Variants in CCDC187 observed in about 807,000 individuals in gnomAD.
CCDC187 encodes the protein coiled-coil domain containing 187.
Under a neutral mutation model 38.0 loss-of-function variants are expected in CCDC187, and 32 were observed. That is an observed-to-expected ratio of 0.84 (90% confidence interval 0.64 to 1.13). The LOEUF is 1.13. Ranked by LOEUF, CCDC187 falls within the 50% of genes most tolerant of loss-of-function variation. The pLI, the probability that CCDC187 is intolerant of heterozygous loss-of-function variation, is 0.00. For missense variants in CCDC187, 707 were observed against 786.8 expected (o/e 0.90, Z 1.21); for synonymous variants, 333 against 347.9 (o/e 0.96, Z 0.48).
At chr9:136,273,061 T>A (rs62579946) in intron 14 of CCDC187, among the ~76,000 whole-genome samples, 16,375 of 152,126 alleles carry the variant, frequency 0.11, 1,197 homozygotes, top group Admixed American at 0.19. Flanking sequence ...ATGGAATCAT[T>A]AAAAACATTG....
chr9:136,293,848 A>C (rs1270427361), intron 4 of CCDC187, among the ~76,000 whole-genome samples: 1 of 76,930 alleles, frequency 1.3e-5, no homozygotes, highest in East Asian at 6.1e-4. Context: ...ACTCGTTCTC[A>C]CACACATTCA....
At chr9:136,256,133 A>T in intron 24 of CCDC187, 78 bp downstream of exon 24, 1 of 725,544 alleles carries the variant, frequency 1.4e-6, no homozygotes, top group South Asian at 6.1e-5. Flanking sequence ...TCCCCACAGC[A>T]GGGGGACAGG....
Position 136,262,650 on chromosome 9 carries a change from G to C in CCDC187, c.3913-188C>G, listed in dbSNP as rs142011424. On this transcript the variant is annotated intron_variant, in intron 18 of 25. Transcript: ENST00000638797. The stretch of plus-strand genomic sequence containing the variant: ...AGCAGGGGTCCTGCACCCCCACTGA[G>C]AGGTATGGATGGGAGGCCCAGAATG... Among the ~76,000 whole-genome samples the C allele has an allele frequency of 1.7e-3, 255 of 152,334 alleles. 1 individual carries two copies. Among genetic ancestry groups the C allele is most frequent in the African/African-American group, 5.8e-3 (243 of 41,572 alleles).
At chr9:136,265,039 C>T (rs1365157394) in intron 17 of CCDC187, among the ~76,000 whole-genome samples, 3 of 152,184 alleles carry the variant, frequency 2.0e-5, no homozygotes, top group Non-Finnish European at 4.4e-5. Flanking sequence ...GATGAACTGC[C>T]TCACCCAGCC....
intron 9 of CCDC187, among the ~76,000 whole-genome samples, chr9:136,282,793 G>A (rs981841210): frequency 6.6e-6 from 1 of 152,246 alleles, no homozygotes; most frequent in Admixed American, 6.5e-5. Flanking sequence ...GTGCTGCAGG[G>A]GAGCTGGACG....
Position 136,264,207 on chromosome 9 carries a change from C to G in CCDC187, c.3736-409G>C, listed in dbSNP as rs1830714046. On this transcript the variant is annotated intron_variant, in intron 17 of 25. Coordinates refer to ENST00000638797, the MANE Select transcript of CCDC187 (RefSeq NM_001378188.1). This position sits in a 1 kb window ranked among gnomAD's most constrained non-coding sequence, Gnocchi z 4.3. ...GAACAACCTTGCACAGAGCCCAGGG[C>G]CGGGCCGGGCCGTTGCACACTCGCC... The G allele has an allele frequency of 6.6e-6, 1 of 152,430 alleles. No homozygotes were observed. Among genetic ancestry groups the G allele is most frequent in the African/African-American group, 2.4e-5 (1 of 41,468 alleles). The allele number at this position is 152,430 out of a possible 1,614,324, so 9.4% of individuals were successfully genotyped here.
chr9:136,291,311 C>T lies in CCDC187; in HGVS notation c.1302G>A (p.Lys434=), dbSNP rs1449633419. 1 of 398,716 alleles carries T rather than the reference C, an allele frequency of 2.5e-6. No individual in the cohort carries two copies. Among genetic ancestry groups the T allele is most frequent in the Non-Finnish European group, 4.4e-6 (1 of 226,106 alleles). The allele number at this position is 398,716 out of a possible 1,614,324, so 24.7% of individuals were successfully genotyped here. The change falls in exon 6 of 26, where the codon AAG becomes AAA. Residue 434 remains lysine (K), a synonymous_variant. Transcript: ENST00000638797. ...SKSPWAMTER[K]HSSLERARSV... ...TCCTAGCCCTCTCTAAAGAGGAATG[C>T]TTCCTCTCTGTCATGGCCCAGGGAC...
intron 16 of CCDC187, 138 bp from the exon 17 acceptor site, chr9:136,266,181 A>G: frequency 3.1e-6 from 1 of 323,632 alleles, no homozygotes; most frequent in Non-Finnish European, 4.4e-6. Flanking sequence ...GGGAGGACGC[A>G]GCCATGCGTG....
In CCDC187 at chr9:136,297,116, T is replaced by C. The variant is rs1831552868; in HGVS notation, c.832+598A>G. Among the ~76,000 whole-genome samples, 57 of 152,146 alleles carry C rather than the reference T, an allele frequency of 3.7e-4. 1 individual carries two copies. ...GCATGTGCACACATGCCAGTATCTGTTACTGCTCTGAAGAGCCGTGAGCTG... is the reference window on the plus strand; with the variant it reads ...GCATGTGCACACATGCCAGTATCTGCTACTGCTCTGAAGAGCCGTGAGCTG... On this transcript the variant is annotated intron_variant, in intron 4 of 25. Coordinates refer to ENST00000638797, the MANE Select transcript of CCDC187 (RefSeq NM_001378188.1).
chr9:136,294,926 C>T (rs1290509898), intron 4 of CCDC187, among the ~76,000 whole-genome samples: 2 of 152,268 alleles, frequency 1.3e-5, no homozygotes, highest in African/African-American at 4.8e-5. Flanking sequence ...TTAAGTCTGG[C>T]TCTGCCACTC....
intron 10 of CCDC187, among the ~76,000 whole-genome samples, chr9:136,279,252 T>C (rs1306968580): frequency 6.6e-6 from 1 of 152,102 alleles, no homozygotes; most frequent in Non-Finnish European, 1.5e-5. Flanking sequence ...GGTCTGGGTG[T>C]TTAAGTCTGG....
Position 136,285,424 on chromosome 9 carries a change from CGGGCAGGT to C in CCDC187, c.2927+81_2927+88del, listed in dbSNP as rs1391343577. On this transcript the variant is annotated intron_variant, in intron 9 of 25. Transcript: ENST00000638797. ...GTGAGAGGCAGCCCGTGAGCGTGGG[CGGGCAGGT>C]GGGCAGGTGGGCAGGTGGGCAGGTG... 4.1e-3 allele frequency: 1,659 copies of C among 407,302 alleles called. 27 individuals are homozygous for C. The highest frequency in any genetic ancestry group is 0.02 in the African/African-American group (938 of 48,092). 25.2% of individuals were successfully genotyped at this position (407,302 alleles called of 1,614,324 possible).
intron 14 of CCDC187, among the ~76,000 whole-genome samples, chr9:136,271,631 G>A (rs1167420385): frequency 4.4e-5 from 6 of 137,280 alleles, no homozygotes; most frequent in East Asian, 2.2e-4. Context: ...TTTTTGAGAC[G>A]GAGTCTCACT....
chr9:136,290,657 C>T lies in CCDC187; in HGVS notation c.1956G>A (p.Arg652=), dbSNP rs1201652718. Residue 652 remains arginine, a synonymous_variant, in exon 6 of 26, where the codon CGG becomes CGA. Coordinates refer to ENST00000638797, the MANE Select transcript of CCDC187 (RefSeq NM_001378188.1). Reference sequence around the variant, plus strand: ...CCGAGGCCTTCTCCTCCAGGGCCTGCCGCCGCCGGGCCTGCGCCTTCTGGC... The same window carrying T: ...CCGAGGCCTTCTCCTCCAGGGCCTGTCGCCGCCGGGCCTGCGCCTTCTGGC... ...FMRQKAQARR[R]QALEEKASAL... 2 of 398,300 alleles carry T rather than the reference C, an allele frequency of 5.0e-6. No homozygotes were observed. Among genetic ancestry groups the T allele is most frequent in the Non-Finnish European group, 8.8e-6 (2 of 226,024 alleles). The allele number at this position is 398,300 out of a possible 1,614,324, so 24.7% of individuals were successfully genotyped here. A position where few individuals can be genotyped will look rare whatever the true frequency, so the allele number is the denominator to read the frequency against.
Position 136,260,216 on chromosome 9 carries a change from A to G in CCDC187, c.4113T>C (p.Asp1371=). ...QDVTPPQTTS[D]ADGHQQPPRP... ...TCGGAGGCTGCTGGTGACCATCTGC[A>G]TCGGAGGTTGTCTGGGGTGGCGTCA... The change falls in exon 20 of 26, where the codon GAT becomes GAC. Residue 1371 remains aspartate (D), a synonymous_variant. Transcript: ENST00000638797. The G allele has an allele frequency of 5.1e-6, 5 of 985,190 alleles. No individual in the cohort carries two copies. The South Asian group carries it at 2.4e-4, about 46-fold the overall frequency. 61.0% of individuals were successfully genotyped at this position (985,190 alleles called of 1,614,324 possible).
At chr9:136,269,981 T>A (rs114870706) in intron 14 of CCDC187, among the ~76,000 whole-genome samples, 1 of 152,132 alleles carries the variant, frequency 6.6e-6, no homozygotes, top group African/African-American at 2.4e-5. Context: ...AAGGGCAGAC[T>A]AGACACTGCA....
At position 136,255,740 on chromosome 9, in the gene CCDC187, G is replaced by A. The variant is rs150124532; in HGVS notation, c.4617-7C>T. 20 of 985,284 alleles carry A rather than the reference G, an allele frequency of 2.0e-5. No individual in the cohort carries two copies. In the Admixed American group the frequency reaches 1.1e-3, roughly 54 times the overall value. The allele number at this position is 985,284 out of a possible 1,614,324, so 61.0% of individuals were successfully genotyped here. On this transcript the variant is annotated splice_region_variant and splice_polypyrimidine_tract_variant and intron_variant, in intron 24 of 25. Coordinates refer to ENST00000638797, the MANE Select transcript of CCDC187 (RefSeq NM_001378188.1). ...CTGCTGACAGGCCTCCGTCCTGCAA[G>A]CACATTCGTGGAGAACCCTGTGGGG... is the stretch of plus-strand genomic sequence containing the variant.
At chr9:136,305,785 G>A (rs1831793589), upstream of CCDC187, among the ~76,000 whole-genome samples, 3 of 152,332 alleles carry the variant, frequency 2.0e-5, no homozygotes, top group East Asian at 1.9e-4. Flanking sequence ...CAAACCCAGC[G>A]AGCAGAGCAT....
chr9:136,257,376 TATAATA>T lies in CCDC187; in HGVS notation c.4367-541_4367-536del, dbSNP rs66462838. On this transcript the variant is annotated intron_variant, in intron 22 of 25. Coordinates refer to ENST00000638797, the MANE Select transcript of CCDC187 (RefSeq NM_001378188.1). The surrounding 1 kb of genome is among the most constrained non-coding windows in gnomAD (Gnocchi z 4.5). ...AGAGAGTGAGACTTTGTCTCAAAAT[TATAATA>T]ATAATAATAATAATAATAATAATAA... Among the ~76,000 whole-genome samples the T allele has an allele frequency of 9.9e-3, 1,457 of 146,974 alleles. 22 individuals carry two copies. Among genetic ancestry groups the T allele is most frequent in the African/African-American group, 0.034 (1,358 of 40,056 alleles).
Sources: allele counts gnomAD v4.1 joint callset (sites outside exome capture counted in the v4.1 genomes callset), GRCh38; gene constraint gnomAD v4.1.1; non-coding constraint Gnocchi (gnomAD v3.1); transcripts MANE v1.5; gene names NCBI Gene and HGNC (gene_info 2026-07-23, HGNC 2026-07-21).